BCLAF1: variants seen among roughly 807,000 people sequenced by gnomAD.
BCLAF1 encodes bcl-2-associated transcription factor 1.
A neutral mutation model predicts 99.5 loss-of-function variants in BCLAF1; 10 were observed. The ratio of observed to expected loss-of-function variants is 0.10; its 90% CI spans 0.06 to 0.17. BCLAF1 has a LOEUF of 0.17. BCLAF1 is among the 10% of genes least tolerant of loss of function. BCLAF1 has a pLI of 1.00. For synonymous variants in BCLAF1, 255 were observed against 370.9 expected (o/e 0.69, Z 3.59); for missense variants, 636 against 1,105.8 (o/e 0.58, Z 6.02).
At chr6:136,289,319 A>G (rs1219310247) in intron 1 of BCLAF1, among the ~76,000 whole-genome samples, 1 of 152,260 alleles carries the variant, frequency 6.6e-6, no homozygotes, top group Non-Finnish European at 1.5e-5. Flanking sequence ...CGTCGGCGCC[A>G]TAGGCGGGGG....
chr6:136,284,136 A>G (rs1358510627), intron 1 of BCLAF1, among the ~76,000 whole-genome samples: 9 of 71,136 alleles, frequency 1.3e-4, no homozygotes, highest in Middle Eastern at 6.6e-3. Context: ...GTGTGTATAT[A>G]TATATATATA....
At position 136,259,684 on chromosome 6, in the gene BCLAF1, G is replaced by T. The variant is rs371841764; in HGVS notation, c.*1426C>A. 6.6e-6 allele frequency: 1 copy of T among 151,922 alleles called. No homozygotes were observed. The highest frequency in any genetic ancestry group is 1.5e-5 in the Non-Finnish European group (1 of 67,884). 9.4% of individuals were successfully genotyped at this position (151,922 alleles called of 1,614,324 possible). Reference sequence around the variant, plus strand: ...ACCAATGTTCCTGGCTGTAATCTAGGTGCTAGACGCACTGCAAATCCTCGA... The same window carrying T: ...ACCAATGTTCCTGGCTGTAATCTAGTTGCTAGACGCACTGCAAATCCTCGA... On this transcript the variant is annotated 3_prime_UTR_variant, in exon 13 of 13. Transcript: ENST00000531224.
In BCLAF1 at chr6:136,258,805, G is replaced by C. The variant is rs1562222084; in HGVS notation, c.*2305C>G. The C allele has an allele frequency of 6.6e-6, 1 of 152,382 alleles. No homozygotes were observed. The highest frequency in any genetic ancestry group is 1.5e-5 in the Non-Finnish European group (1 of 67,876). The allele number at this position is 152,382 out of a possible 1,614,324, so 9.4% of individuals were successfully genotyped here. ...AACTGGAAAAAACATTTTGCTTTTA[G>C]TATAAAAATTCCTAGGATGCTGAAA... On this transcript the variant is annotated 3_prime_UTR_variant, in exon 13 of 13. Coordinates refer to ENST00000531224, the MANE Select transcript of BCLAF1 (RefSeq NM_014739.3).
intron 7 of BCLAF1, 47 bp from the exon 8 acceptor site, chr6:136,272,126 G>T (rs1446961611): frequency 7.3e-7 from 1 of 1,372,800 alleles, no homozygotes; most frequent in African/African-American, 1.5e-5. Context: ...TTAACTTTTT[G>T]GTTCAAAAAC....
chr6:136,272,724 C>T (rs1294516192), intron 7 of BCLAF1, among the ~76,000 whole-genome samples: 1 of 151,948 alleles, frequency 6.6e-6, no homozygotes, highest in Non-Finnish European at 1.5e-5. Context: ...GACTTCAATG[C>T]TCATGCTTTC....
In BCLAF1 at chr6:136,261,399, G is replaced by A. The variant is rs34541670; in HGVS notation, c.2623C>T (p.Arg875Cys). The change falls in exon 12 of 13, where the codon CGC becomes TGC. Residue 875 changes from arginine (R) to cysteine (C), a missense_variant. By Grantham distance (180) the Arg-to-Cys change is radical. Coordinates refer to ENST00000531224, the MANE Select transcript of BCLAF1 (RefSeq NM_014739.3). ...GRGTFQRGRG[R>C]FNFKKSGSSP... ...CTACCTGATTTTTTGAAGTTAAAGCGCCCTCTGCCACGTTGAAAAGTACCA... is the reference window on the plus strand; with the variant it reads ...CTACCTGATTTTTTGAAGTTAAAGCACCCTCTGCCACGTTGAAAAGTACCA... 6.2e-6 allele frequency: 10 copies of A among 1,613,512 alleles called. No homozygotes were observed. Among genetic ancestry groups the A allele is most frequent in the Admixed American group, 3.3e-5 (2 of 59,948 alleles).
chr6:136,274,709 T>A (rs762156865), intron 6 of BCLAF1, among the ~76,000 whole-genome samples: 27 of 152,072 alleles, frequency 1.8e-4, no homozygotes, highest in Non-Finnish European at 3.8e-4. Context: ...AGAAAGAATA[T>A]GTCTCATAGT....
At chr6:136,268,533 T>C in intron 9 of BCLAF1, 194 bp from the exon 10 acceptor site, 2 of 558,948 alleles carry the variant, frequency 3.6e-6, no homozygotes, top group Non-Finnish European at 6.2e-6. Flanking sequence ...ACATCAATAA[T>C]GAAAAACATG....
chr6:136,269,198 T>C (rs940295640), intron 9 of BCLAF1: 1 of 1,402,396 alleles, frequency 7.1e-7, no homozygotes, highest in African/African-American at 1.5e-5. Flanking sequence ...GTAGCCTGGA[T>C]AATAGGACAC....
chr6:136,270,117 TA>T (rs890298174), intron 8 of BCLAF1, among the ~76,000 whole-genome samples: 15 of 142,330 alleles, frequency 1.1e-4, no homozygotes, highest in African/African-American at 2.3e-4. Flanking sequence ...ACCAACCCAA[TA>T]AAAAAAAAAA....
At position 136,257,877 on chromosome 6, in the gene BCLAF1, G is replaced by T. The variant is rs935045717; in HGVS notation, c.*3233C>A. 8.6e-5 allele frequency: 13 copies of T among 151,970 alleles called. No individual in the cohort carries two copies. The highest frequency in any genetic ancestry group is 1.5e-4 in the Non-Finnish European group (10 of 67,912). The allele number at this position is 151,970 out of a possible 1,614,324, so 9.4% of individuals were successfully genotyped here. A position where few individuals can be genotyped will look rare whatever the true frequency, so the allele number is the denominator to read the frequency against. On this transcript the variant is annotated 3_prime_UTR_variant, in exon 13 of 13. Transcript: ENST00000531224. ...GGATTCCAGTTGAAACCCAGAAAAA[G>T]AAAAATAAGAAAAGTTAAACAAATG...
chr6:136,281,308 G>C (rs991165584), intron 2 of BCLAF1, among the ~76,000 whole-genome samples: 1 of 152,100 alleles, frequency 6.6e-6, no homozygotes. Context: ...AATAAATTTA[G>C]CATTAACATA....
At chr6:136,289,352 G>C (rs1190726534) in intron 1 of BCLAF1, among the ~76,000 whole-genome samples, 9 of 152,244 alleles carry the variant, frequency 5.9e-5, no homozygotes, top group African/African-American at 1.7e-4. Context: ...ACGAGCGCGC[G>C]TGCGCGGAGC....
chr6:136,265,874 A>G (rs375047859), intron 11 of BCLAF1, among the ~76,000 whole-genome samples: 22 of 152,246 alleles, frequency 1.4e-4, no homozygotes, highest in African/African-American at 5.1e-4. Flanking sequence ...TTGTCTTTCC[A>G]TCCTTAGTAC....
In BCLAF1 at chr6:136,284,569, G is replaced by C. The variant is rs192973654; in HGVS notation, c.-114-1882C>G. ...CAACCATGTGCCAAGAACTGTGCTA[G>C]GTGACTTAAAGTAAATAAAATAATG... On this transcript the variant is annotated intron_variant, in intron 1 of 12. Coordinates refer to ENST00000531224, the MANE Select transcript of BCLAF1 (RefSeq NM_014739.3). 5.1e-4 allele frequency among the ~76,000 whole-genome samples: 78 copies of C among 152,274 alleles called. 1 individual carries two copies. The East Asian group carries it at 0.013, about 25-fold the overall frequency.
chr6:136,272,833 T>C (rs918342234), intron 7 of BCLAF1, among the ~76,000 whole-genome samples: 2 of 151,910 alleles, frequency 1.3e-5, no homozygotes, highest in East Asian at 1.9e-4. Flanking sequence ...ACCAAACTAA[T>C]TGATAACTAT....
chr6:136,285,523 G>A (rs1327927974), intron 1 of BCLAF1, among the ~76,000 whole-genome samples: 2 of 152,150 alleles, frequency 1.3e-5, no homozygotes, highest in African/African-American at 4.8e-5. Context: ...GGTGCTTGAT[G>A]TTTCCAAAAC....
rs1336835684 is a variant in BCLAF1, at chr6:136,260,244, C to T, written c.*866G>A. ...GCAGGATAGACCTCCTACATACCAACCCCAGGATTACAGTTTTTCTTCTGT... is the reference window on the plus strand; with the variant it reads ...GCAGGATAGACCTCCTACATACCAATCCCAGGATTACAGTTTTTCTTCTGT... On this transcript the variant is annotated 3_prime_UTR_variant, in exon 13 of 13. Transcript: ENST00000531224. 1 of 151,998 alleles carries T rather than the reference C, an allele frequency of 6.6e-6. No individual in the cohort carries two copies. Among genetic ancestry groups the T allele is most frequent in the Non-Finnish European group, 1.5e-5 (1 of 67,890 alleles). 9.4% of individuals were successfully genotyped at this position (151,998 alleles called of 1,614,324 possible). A position where few individuals can be genotyped will look rare whatever the true frequency, so the allele number is the denominator to read the frequency against.
At chr6:136,279,925 T>C (rs1784146080) in intron 2 of BCLAF1, 49 bp from the exon 3 acceptor site, 1 of 1,369,124 alleles carries the variant, frequency 7.3e-7, no homozygotes. Flanking sequence ...ATATGATATT[T>C]AAAATTTTAC....
Sources: allele counts gnomAD v4.1 joint callset (sites outside exome capture counted in the v4.1 genomes callset), GRCh38; gene constraint gnomAD v4.1.1; transcripts MANE v1.5; gene names NCBI Gene and HGNC (gene_info 2026-07-23, HGNC 2026-07-21).